ITGA9: variants seen among roughly 807,000 people sequenced by gnomAD.
ITGA9 encodes the protein integrin subunit alpha 9, also known as integrin alpha-9.
In ITGA9, 56 loss-of-function variants were observed where a neutral mutation model predicts 127.8. The observed-to-expected ratio is 0.44, with a 90% CI of 0.35 to 0.55. ITGA9 has a LOEUF of 0.55. ITGA9 is among the 20% of genes least tolerant of loss of function. ITGA9 has a pLI of 0.00. For missense variants in ITGA9, 1,196 were observed against 1,347.1 expected, an observed-to-expected ratio of 0.89 and a Z score of 1.76; for synonymous variants, 508 against 514.5, an observed-to-expected ratio of 0.99 and a Z score of 0.17.
intron 18 of ITGA9, among the ~76,000 whole-genome samples, chr3:37,714,041 G>C (rs1435469480): frequency 1.3e-5 from 2 of 152,220 alleles, no homozygotes; most frequent in Non-Finnish European, 2.9e-5. Context: ...TGCCTAGCAG[G>C]GTGTCCCCCA....
At chr3:37,518,965 A>G (rs1699016010) in intron 10 of ITGA9, among the ~76,000 whole-genome samples, 1 of 151,092 alleles carries the variant, frequency 6.6e-6, no homozygotes, top group African/African-American at 2.4e-5. Flanking sequence ...TTGTATTTTT[A>G]GTAGAGCTGG....
intron 15 of ITGA9, among the ~76,000 whole-genome samples, chr3:37,621,858 G>C (rs1305480885): frequency 6.6e-6 from 1 of 152,118 alleles, no homozygotes; most frequent in Non-Finnish European, 1.5e-5. Context: ...ATCTGATTGA[G>C]AAATTTTCAG....
chr3:37,816,029 A>C (rs943575296), intron 27 of ITGA9, among the ~76,000 whole-genome samples: 3 of 152,208 alleles, frequency 2.0e-5, no homozygotes, highest in African/African-American at 7.2e-5. Flanking sequence ...ACTGTGTAAC[A>C]GACACAACAT....
In ITGA9 at chr3:37,653,750, GC is replaced by G; in HGVS notation, c.1878del (p.Ala627GlnfsTer21). 1 of 1,613,966 alleles carries G rather than the reference GC, an allele frequency of 6.2e-7. No individual in the cohort carries two copies. Among genetic ancestry groups the G allele is most frequent in the Non-Finnish European group, 8.5e-7 (1 of 1,179,870 alleles). ...FERNCRSEDC[A>X]ADLQLQGKLL... ...AAGGAATTGCCGTTCAGAGGACTGT[GC>G]CGCAGACCTGCAGCTTCAGGGTAAA... On this transcript the variant is annotated frameshift_variant, in exon 17 of 28. Transcript: ENST00000264741. LOFTEE classifies it high-confidence loss of function.
Position 37,732,639 on chromosome 3 carries a change from T to C in ITGA9, c.2068-73T>C, listed in dbSNP as rs115149962. 5.1e-3 allele frequency: 5,652 copies of C among 1,113,602 alleles called. 187 individuals carry two copies. The African/African-American group carries it at 0.07, about 14-fold the overall frequency. The allele number at this position is 1,113,602 out of a possible 1,614,324, so 69.0% of individuals were successfully genotyped here. On this transcript the variant is annotated intron_variant, in intron 18 of 27. Transcript: ENST00000264741. Reference sequence around the variant, plus strand: ...TGAGCACTGCTCTGAAGGACTCGATTGCCCCGTGGAGCCTGCTCCCACACA... The same window carrying C: ...TGAGCACTGCTCTGAAGGACTCGATCGCCCCGTGGAGCCTGCTCCCACACA...
intron 2 of ITGA9, among the ~76,000 whole-genome samples, chr3:37,472,830 T>A (rs1266830215): frequency 6.6e-6 from 1 of 152,176 alleles, no homozygotes; most frequent in Non-Finnish European, 1.5e-5. Flanking sequence ...AGGCCCTGCC[T>A]CTTTCCATGA....
intron 15 of ITGA9, among the ~76,000 whole-genome samples, chr3:37,621,213 C>T (rs535471088): frequency 2.0e-5 from 3 of 152,196 alleles, no homozygotes; most frequent in Non-Finnish European, 2.9e-5. Flanking sequence ...TGCCTTTTGC[C>T]TTCCACCATG....
chr3:37,551,004 A>G (rs1414989456), intron 15 of ITGA9, among the ~76,000 whole-genome samples: 1 of 152,196 alleles, frequency 6.6e-6, no homozygotes, highest in Non-Finnish European at 1.5e-5. Context: ...GTCATGCCTG[A>G]TACACAGATG....
intron 16 of ITGA9, among the ~76,000 whole-genome samples, chr3:37,640,939 G>A (rs1293264416): frequency 6.6e-6 from 1 of 152,200 alleles, no homozygotes; most frequent in African/African-American, 2.4e-5. Context: ...TCCCTTCCTG[G>A]GAAGCCGGCT....
chr3:37,727,125 G>A (rs1696221053), intron 18 of ITGA9, among the ~76,000 whole-genome samples: 1 of 152,190 alleles, frequency 6.6e-6, no homozygotes, highest in Admixed American at 6.5e-5. Flanking sequence ...GTGATGATGT[G>A]GCTGACGAGG....
intron 27 of ITGA9, among the ~76,000 whole-genome samples, chr3:37,812,647 C>G (rs143655314): frequency 0.013 from 1,935 of 152,362 alleles, 27 homozygotes; most frequent in Non-Finnish European, 0.02. Context: ...CTCTTTGGAG[C>G]TGCAGGACCA....
intron 17 of ITGA9, 145 bp downstream of exon 17, chr3:37,653,935 G>GTA (rs1700452538): frequency 1.5e-6 from 1 of 677,070 alleles, no homozygotes; most frequent in Non-Finnish European, 2.7e-6. Context: ...TTAAAAAAAT[G>GTA]TATGTTACAA....
At chr3:37,510,024 C>CTTTTT (rs5848025) in intron 8 of ITGA9, among the ~76,000 whole-genome samples, 1 of 136,268 alleles carries the variant, frequency 7.3e-6, no homozygotes, top group Non-Finnish European at 1.6e-5. Flanking sequence ...TAAAGGATTC[C>CTTTTT]TTTTTTTTTT....
At chr3:37,533,273 T>C in intron 13 of ITGA9, 41 bp from the exon 14 acceptor site, 1 of 1,604,558 alleles carries the variant, frequency 6.2e-7, no homozygotes, top group South Asian at 1.1e-5. Flanking sequence ...TGAGAGCTGC[T>C]CCTTACCACG....
At chr3:37,511,999 T>TTTC (rs1559524348) in intron 8 of ITGA9, among the ~76,000 whole-genome samples, 1 of 51,474 alleles carries the variant, frequency 1.9e-5, no homozygotes, top group African/African-American at 5.5e-5. Flanking sequence ...TTTTCTTTTC[T>TTTC]TTTCTTTTCT....
chr3:37,665,248 T>C (rs1700575227), intron 17 of ITGA9, among the ~76,000 whole-genome samples: 1 of 152,094 alleles, frequency 6.6e-6, no homozygotes, highest in Non-Finnish European at 1.5e-5. Flanking sequence ...GTGCTGGGAT[T>C]ACAGGTGTGA....
chr3:37,785,163 C>A, intron 26 of ITGA9, 85 bp downstream of exon 26: 2 of 949,786 alleles, frequency 2.1e-6, no homozygotes, highest in South Asian at 1.3e-5. Context: ...ATTTGAGGGT[C>A]AAGACAGTCT....
chr3:37,483,695 C>T (rs888920480), intron 4 of ITGA9, among the ~76,000 whole-genome samples: 2 of 152,174 alleles, frequency 1.3e-5, no homozygotes, highest in African/African-American at 2.4e-5. Context: ...CTGGGAAAGC[C>T]TCCAGGACAG....
intron 20 of ITGA9, 32 bp from the exon 21 acceptor site, chr3:37,741,698 C>G: frequency 6.4e-7 from 1 of 1,562,510 alleles, no homozygotes. Context: ...TAGTGTTGGC[C>G]AGCGTTCATT....
Sources: gnomAD v4.1 joint callset for allele counts (sites outside exome capture counted in the v4.1 genomes callset) on GRCh38, gnomAD v4.1.1 for gene constraint, MANE v1.5 for transcripts, NCBI Gene and HGNC (gene_info 2026-07-23, HGNC 2026-07-21) for gene names.